Variants in PIGN observed in about 807,000 individuals in gnomAD.
PIGN encodes phosphatidylinositol glycan anchor biosynthesis class N.
In PIGN, 117 loss-of-function variants were observed where a neutral mutation model predicts 125.4. The observed-to-expected ratio is 0.93, with a 90% confidence interval of 0.80 to 1.09. The LOEUF is 1.09. Among genes scored for constraint, PIGN ranks in the 50% least tolerant of loss-of-function variants. PIGN has a pLI of 0.00. For missense variants in PIGN, 1,075 were observed against 1,094.9 expected (o/e 0.98, Z 0.26); for synonymous variants, 392 against 377.8 (o/e 1.04, Z -0.44).
chr18:62,018,753 G>A (rs775653358), intron 23 of PIGN, among the ~76,000 whole-genome samples: 6 of 152,116 alleles, frequency 3.9e-5, no homozygotes, highest in Non-Finnish European at 8.8e-5. Context: ...TCAATTACAG[G>A]TCTGATTCTG....
intron 11 of PIGN, among the ~76,000 whole-genome samples, chr18:62,142,155 T>G (rs534278096): frequency 9.1e-4 from 138 of 152,348 alleles, no homozygotes; most frequent in Non-Finnish European, 1.2e-3. Flanking sequence ...CCCTAAGGTA[T>G]ACATTTCCCA....
In PIGN at chr18:62,166,072, T is replaced by A. The variant is rs114530697; in HGVS notation, c.-235-2416A>T. 3.3e-3 allele frequency among the ~76,000 whole-genome samples: 507 copies of A among 152,140 alleles called. 1 individual carries two copies. The highest frequency in any genetic ancestry group is 0.012 in the African/African-American group (498 of 41,516). On this transcript the variant is annotated intron_variant, in intron 1 of 30. Transcript: ENST00000640252. ...AGGAATAATTTAGAATATAGAAGGA[T>A]ATGAATGATGCAGCAGAAAGCTGGA...
chr18:62,031,644 G>A (rs75740304), intron 23 of PIGN, among the ~76,000 whole-genome samples: 3,631 of 152,262 alleles, frequency 0.024, 111 homozygotes, highest in African/African-American at 0.064. Flanking sequence ...GCACAGCCCG[G>A]ATTTTGCCTC....
chr18:62,028,434 A>C (rs138692292), intron 23 of PIGN, among the ~76,000 whole-genome samples: 4 of 152,236 alleles, frequency 2.6e-5, no homozygotes, highest in Non-Finnish European at 4.4e-5. Flanking sequence ...AATTTAAACA[A>C]GAAGCCTTTA....
chr18:62,134,907 G>A (rs1399883448), intron 14 of PIGN, among the ~76,000 whole-genome samples: 6 of 151,882 alleles, frequency 4.0e-5, no homozygotes, highest in South Asian at 2.1e-4. Context: ...TTTGATGGGC[G>A]GGCGGATGAA....
intron 11 of PIGN, among the ~76,000 whole-genome samples, chr18:62,142,022 C>T (rs1465615170): frequency 6.6e-6 from 1 of 152,208 alleles, no homozygotes; most frequent in Non-Finnish European, 1.5e-5. Flanking sequence ...CCTTTGCTGA[C>T]TACAGTCTAT....
At chr18:62,095,626 C>A (rs915373764) in intron 23 of PIGN, among the ~76,000 whole-genome samples, 4 of 151,890 alleles carry the variant, frequency 2.6e-5, no homozygotes, top group African/African-American at 9.7e-5. Context: ...AAGAGAAAGA[C>A]AAAGACAGCA....
chr18:62,166,780 AT>A (rs1409420806), intron 1 of PIGN, among the ~76,000 whole-genome samples: 1 of 152,260 alleles, frequency 6.6e-6, no homozygotes, highest in Non-Finnish European at 1.5e-5. Context: ...AGAAGCCATC[AT>A]TCTCAGCAAA....
Position 62,117,727 on chromosome 18 carries a change from G to C in PIGN, c.1173-3088C>G, listed in dbSNP as rs541777727. On this transcript the variant is annotated intron_variant, in intron 14 of 30. Transcript: ENST00000640252. ...ATATCATGTATACATATGTATTCTT[G>C]TCTACTTCATCAATTCTATTCTGTC... Among the ~76,000 whole-genome samples, 30 of 152,032 alleles carry C rather than the reference G, an allele frequency of 2.0e-4. 1 individual carries two copies. Among genetic ancestry groups the C allele is most frequent in the African/African-American group, 5.8e-4 (24 of 41,512 alleles).
At chr18:62,160,538 C>A (rs1230165120) in intron 4 of PIGN, among the ~76,000 whole-genome samples, 2 of 147,348 alleles carry the variant, frequency 1.4e-5, no homozygotes, top group African/African-American at 5.0e-5. Context: ...TTTTTTGAGA[C>A]GGAGTTTTGC....
At position 62,074,826 on chromosome 18, in the gene PIGN, A is replaced by G; in HGVS notation, c.2577-5T>C. The G allele has an allele frequency of 1.9e-6, 3 of 1,556,446 alleles. No homozygotes were observed. The highest frequency in any genetic ancestry group is 2.6e-6 in the Non-Finnish European group (3 of 1,138,730). ...ACGAGAACAATGAGAAAAAGGCTGG[A>G]AAAAAAAAGAAGGAAAAATTACATC... On this transcript the variant is annotated splice_polypyrimidine_tract_variant and splice_region_variant and intron_variant, in intron 28 of 30. Coordinates refer to ENST00000640252, the MANE Select transcript of PIGN (RefSeq NM_176787.5).
chr18:62,167,188 GCTCT>G (rs148196927), intron 1 of PIGN, among the ~76,000 whole-genome samples: 88 of 147,748 alleles, frequency 6.0e-4, no homozygotes, highest in Admixed American at 1.4e-3. Flanking sequence ...GAGCAGGAGC[GCTCT>G]CTCTCTCTCT....
chr18:62,057,738 CTA>C (rs2031832508), intron 30 of PIGN, among the ~76,000 whole-genome samples: 1 of 152,238 alleles, frequency 6.6e-6, no homozygotes, highest in African/African-American at 2.4e-5. Flanking sequence ...AATATCTACT[CTA>C]TGAATTCTCT....
chr18:62,035,172 T>C (rs2030243274), intron 23 of PIGN, among the ~76,000 whole-genome samples: 1 of 152,220 alleles, frequency 6.6e-6, no homozygotes, highest in African/African-American at 2.4e-5. Flanking sequence ...CCTTCCACCA[T>C]GATTGTGAGG....
At chr18:62,105,845 A>G (rs887743226) in intron 19 of PIGN, among the ~76,000 whole-genome samples, 5 of 152,240 alleles carry the variant, frequency 3.3e-5, no homozygotes, top group African/African-American at 1.2e-4. Flanking sequence ...GTTGCATAGC[A>G]GGTATAGTAT....
intron 9 of PIGN, 142 bp downstream of exon 9, chr18:62,146,829 C>T: frequency 2.7e-6 from 2 of 736,496 alleles, no homozygotes; most frequent in African/African-American, 1.8e-5. Flanking sequence ...GTTTTTTAGG[C>T]TAACATTTTA....
At chr18:62,095,796 T>C (rs2034155032) in intron 23 of PIGN, 52 bp downstream of exon 23, 10 of 936,940 alleles carry the variant, frequency 1.1e-5, no homozygotes, top group Non-Finnish European at 1.4e-5. Flanking sequence ...AAAATATCAA[T>C]ATATCATTTA....
At chr18:62,019,793 T>C (rs769871874) in intron 23 of PIGN, among the ~76,000 whole-genome samples, 3 of 152,204 alleles carry the variant, frequency 2.0e-5, no homozygotes, top group Admixed American at 6.5e-5. Context: ...GGACAAAATA[T>C]ATGAAATTAC....
At chr18:62,144,580 T>A (rs951406837) in intron 10 of PIGN, among the ~76,000 whole-genome samples, 1 of 152,196 alleles carries the variant, frequency 6.6e-6, no homozygotes, top group African/African-American at 2.4e-5. Flanking sequence ...CCTGGAACAC[T>A]CCTGCCCTAA....
Sources: gnomAD v4.1 joint callset for allele counts (sites outside exome capture counted in the v4.1 genomes callset) on GRCh38, gnomAD v4.1.1 for gene constraint, MANE v1.5 for transcripts, NCBI Gene and HGNC (gene_info 2026-07-23, HGNC 2026-07-21) for gene names.